GRID2: variants seen among roughly 807,000 people sequenced by gnomAD.
GRID2 encodes glutamate ionotropic receptor delta type subunit 2, also known as glutamate receptor ionotropic, delta-2.
In GRID2, 33 loss-of-function variants were observed where a neutral mutation model predicts 114.8. The ratio of observed to expected loss-of-function variants is 0.29; its 90% CI spans 0.22 to 0.38. The LOEUF (loss-of-function observed/expected upper bound fraction) is 0.38, where lower values mean the gene tolerates loss of function less well. Ranked by LOEUF, GRID2 falls within the 10% of genes least tolerant of loss-of-function variation. The pLI, the probability that GRID2 is intolerant of heterozygous loss-of-function variation, is 1.00. For missense variants in GRID2, 1,184 were observed against 1,257.7 expected, an observed-to-expected ratio of 0.94 and a Z score of 0.89; for synonymous variants, 505 against 449.9, an observed-to-expected ratio of 1.12 and a Z score of -1.55.
At chr4:93,710,576 A>G (rs7673068) in intron 14 of GRID2, among the ~76,000 whole-genome samples, 6,413 of 152,176 alleles carry the variant, frequency 0.042, 218 homozygotes, top group African/African-American at 0.085. Context: ...AACAACTATT[A>G]TCTGGCTACA....
intron 4 of GRID2, among the ~76,000 whole-genome samples, chr4:93,191,597 CTAAG>C (rs974914120): frequency 3.3e-5 from 5 of 151,816 alleles, no homozygotes; most frequent in African/African-American, 1.2e-4. Context: ...TTCTTTATCA[CTAAG>C]TGTTGTTTTA....
chr4:93,452,928 G>T (rs1722825029), intron 10 of GRID2, among the ~76,000 whole-genome samples: 1 of 150,294 alleles, frequency 6.7e-6, no homozygotes, highest in African/African-American at 2.5e-5. Flanking sequence ...TAGGGTACAT[G>T]TGCACAATGT....
At chr4:92,700,241 C>A (rs1734602753) in intron 2 of GRID2, among the ~76,000 whole-genome samples, 1 of 152,140 alleles carries the variant, frequency 6.6e-6, no homozygotes, top group Non-Finnish European at 1.5e-5. Context: ...ATACACTCTC[C>A]TTTGATAACG....
intron 2 of GRID2, among the ~76,000 whole-genome samples, chr4:92,952,795 G>A (rs538910223): frequency 6.6e-6 from 1 of 152,268 alleles, no homozygotes; most frequent in Admixed American, 6.5e-5. Context: ...GTAATTGAAT[G>A]TATTCGTTTC....
chr4:92,843,986 C>T (rs1160726220), intron 2 of GRID2, among the ~76,000 whole-genome samples: 4 of 151,936 alleles, frequency 2.6e-5, no homozygotes, highest in Admixed American at 6.6e-5. Flanking sequence ...AAAATGCTGA[C>T]GTAGTTTATT....
intron 14 of GRID2, among the ~76,000 whole-genome samples, chr4:93,729,763 C>T (rs747795514): frequency 2.6e-5 from 4 of 152,050 alleles, no homozygotes; most frequent in East Asian, 1.9e-4. Context: ...CCACCATGCC[C>T]GGCACAGAGA....
At chr4:92,343,153 G>A (rs1727591433) in intron 1 of GRID2, among the ~76,000 whole-genome samples, 1 of 150,860 alleles carries the variant, frequency 6.6e-6, no homozygotes, top group Non-Finnish European at 1.5e-5. Context: ...TTATCTATTG[G>A]AGTTCCTCTG....
At chr4:93,390,789 A>T (rs1026658879) in intron 8 of GRID2, among the ~76,000 whole-genome samples, 1 of 152,062 alleles carries the variant, frequency 6.6e-6, no homozygotes, top group Non-Finnish European at 1.5e-5. Context: ...GTATATAGAC[A>T]TATATATGTA....
intron 2 of GRID2, among the ~76,000 whole-genome samples, chr4:92,710,231 T>A (rs1254260985): frequency 2.0e-5 from 3 of 152,212 alleles, no homozygotes; most frequent in Admixed American, 6.5e-5. Flanking sequence ...TGGACAAAAC[T>A]TTTTGTGTAT....
chr4:93,768,949 T>C (rs1351161461), intron 14 of GRID2, among the ~76,000 whole-genome samples: 2 of 136,650 alleles, frequency 1.5e-5, no homozygotes, highest in African/African-American at 5.7e-5. Flanking sequence ...AGAAGAAGAA[T>C]AGGAAGAAAA....
At chr4:92,766,086 A>G (rs1738250303) in intron 2 of GRID2, among the ~76,000 whole-genome samples, 1 of 152,202 alleles carries the variant, frequency 6.6e-6, no homozygotes. Flanking sequence ...GATAGATTTC[A>G]TAGCCTACAG....
chr4:93,628,299 G>A (rs768016287), intron 14 of GRID2, among the ~76,000 whole-genome samples: 13 of 151,896 alleles, frequency 8.6e-5, no homozygotes, highest in African/African-American at 3.1e-4. Context: ...CCATGCACAA[G>A]AAACAAAGAA....
chr4:93,661,022 G>A (rs1723444337), intron 14 of GRID2, among the ~76,000 whole-genome samples: 3 of 152,144 alleles, frequency 2.0e-5, no homozygotes, highest in African/African-American at 7.2e-5. Context: ...TATCTCCCAA[G>A]TGTGTTGGCT....
chr4:92,776,536 A>G (rs936681865), intron 2 of GRID2, among the ~76,000 whole-genome samples: 3 of 152,096 alleles, frequency 2.0e-5, no homozygotes, highest in Non-Finnish European at 4.4e-5. Flanking sequence ...AGAGGATTAC[A>G]TTATTGAGTT....
intron 1 of GRID2, among the ~76,000 whole-genome samples, chr4:92,389,050 C>G (rs1730119681): frequency 6.6e-6 from 1 of 151,986 alleles, no homozygotes; most frequent in Admixed American, 6.6e-5. Context: ...TCAAACATAT[C>G]TGCATACATA....
At chr4:93,695,172 G>GA (rs5860341) in intron 14 of GRID2, among the ~76,000 whole-genome samples, 12,147 of 135,874 alleles carry the variant, frequency 0.089, 542 homozygotes, top group African/African-American at 0.12. Context: ...CTCCGTCTCG[G>GA]AAAAAAAAAA....
intron 2 of GRID2, among the ~76,000 whole-genome samples, chr4:92,866,753 G>A (rs919897649): frequency 6.6e-6 from 1 of 150,998 alleles, no homozygotes; most frequent in South Asian, 2.1e-4. Context: ...GGTTTTCACC[G>A]TGTTAGCCAG....
At chr4:93,588,046 A>G (rs189723336) in intron 13 of GRID2, among the ~76,000 whole-genome samples, 162 of 152,246 alleles carry the variant, frequency 1.1e-3, no homozygotes, top group African/African-American at 3.8e-3. Flanking sequence ...TGGTCTTTCA[A>G]TTTGGAAATG....
chr4:93,158,974 A>G (rs1213693587), intron 4 of GRID2, among the ~76,000 whole-genome samples: 1 of 151,794 alleles, frequency 6.6e-6, no homozygotes, highest in Non-Finnish European at 1.5e-5. Context: ...CTTTGGTACA[A>G]AGATTCATTG....
Sources: gnomAD v4.1 joint callset for allele counts (sites outside exome capture counted in the v4.1 genomes callset) on GRCh38, gnomAD v4.1.1 for gene constraint, MANE v1.5 for transcripts, NCBI Gene and HGNC (gene_info 2026-07-23, HGNC 2026-07-21) for gene names.